SPATA6: variants seen among roughly 807,000 people sequenced by gnomAD.
The protein encoded by SPATA6 is spermatogenesis-associated protein 6.
Under a neutral mutation model 65.3 loss-of-function variants are expected in SPATA6, and 56 were observed. The observed-to-expected ratio is 0.86, with a 90% CI of 0.69 to 1.07. The LOEUF (loss-of-function observed/expected upper bound fraction) is 1.07, where lower values mean the gene tolerates loss of function less well. Among genes scored for constraint, SPATA6 ranks in the 50% least tolerant of loss-of-function variants. SPATA6 has a pLI of 0.00. For synonymous variants in SPATA6, 199 were observed against 213.2 expected (o/e 0.93, Z 0.58); for missense variants, 590 against 594.8 (o/e 0.99, Z 0.08).
intron 9 of SPATA6, among the ~76,000 whole-genome samples, chr1:48,381,298 C>A (rs1017093654): frequency 2.0e-5 from 3 of 152,052 alleles, no homozygotes; most frequent in African/African-American, 7.2e-5. Flanking sequence ...AGTTATGAAT[C>A]CTTAGATAGA....
At chr1:48,269,554 T>C in the SPATA6 span, among the ~76,000 whole-genome samples, 1 of 152,074 alleles carries the variant, frequency 6.6e-6, no homozygotes, top group East Asian at 1.9e-4. Flanking sequence ...GCCTAATATA[T>C]GACAAAGAAT....
At chr1:48,342,003 T>C (rs931524377) in intron 11 of SPATA6, among the ~76,000 whole-genome samples, 1 of 152,238 alleles carries the variant, frequency 6.6e-6, no homozygotes, top group African/African-American at 2.4e-5. Context: ...ATGGTAGCAC[T>C]ATTAGTATTA....
intron 10 of SPATA6, 69 bp from the exon 11 acceptor site, chr1:48,355,838 G>A: frequency 1.6e-6 from 2 of 1,217,126 alleles, no homozygotes; most frequent in South Asian, 2.6e-5. Flanking sequence ...ATACTATCAA[G>A]TTTTCACAGT....
intron 11 of SPATA6, among the ~76,000 whole-genome samples, chr1:48,332,613 C>A (rs1421085346): frequency 6.6e-6 from 1 of 152,126 alleles, no homozygotes; most frequent in South Asian, 2.1e-4. Context: ...CTTAGACTCC[C>A]ACAGAATAAT....
chr1:48,324,520 G>A (rs1485147598), intron 11 of SPATA6, among the ~76,000 whole-genome samples: 3 of 152,074 alleles, frequency 2.0e-5, no homozygotes, highest in Admixed American at 2.0e-4. Flanking sequence ...TTATTTCAGG[G>A]ATGCAAGGAT....
intron 12 of SPATA6, among the ~76,000 whole-genome samples, chr1:48,301,915 G>A (rs79973312): frequency 0.012 from 1,859 of 152,194 alleles, 45 homozygotes; most frequent in African/African-American, 0.043. Flanking sequence ...GACCTGAAAG[G>A]ATGAAACTAT....
intron 11 of SPATA6, among the ~76,000 whole-genome samples, chr1:48,321,865 C>T (rs1210595268): frequency 6.6e-6 from 1 of 152,032 alleles, no homozygotes; most frequent in Non-Finnish European, 1.5e-5. Context: ...AAATTTTGGA[C>T]ACTACACCAA....
intron 11 of SPATA6, among the ~76,000 whole-genome samples, chr1:48,347,465 A>AAT (rs201035240): frequency 0.028 from 3,512 of 127,618 alleles, 91 homozygotes; most frequent in African/African-American, 0.08. Flanking sequence ...ATGTATATAT[A>AAT]ATATAATATA....
the SPATA6 span, among the ~76,000 whole-genome samples, chr1:48,282,190 G>A: frequency 6.6e-6 from 1 of 151,952 alleles, no homozygotes; most frequent in Admixed American, 6.6e-5. Context: ...AATTCAAGAT[G>A]GATTAAAGAC....
chr1:48,348,347 C>A (rs1229307895), intron 11 of SPATA6, among the ~76,000 whole-genome samples: 1 of 151,984 alleles, frequency 6.6e-6, no homozygotes, highest in Non-Finnish European at 1.5e-5. Context: ...TTCATTGTTT[C>A]ATTTACATCA....
Position 48,385,313 on chromosome 1 carries a change from T to C in SPATA6, c.905A>G (p.Tyr302Cys). Residue 302 changes from tyrosine (Y) to cysteine (C), a missense_variant, in exon 9 of 13, where the codon TAT becomes TGT. Coordinates refer to ENST00000371847, the MANE Select transcript of SPATA6 (RefSeq NM_019073.4). ...TCTACAATTCATTCTACACACCTTATAATCCTTGGGTCGGCAGCAGCCAAG... is the reference window on the plus strand; with the variant it reads ...TCTACAATTCATTCTACACACCTTACAATCCTTGGGTCGGCAGCAGCCAAG... ...SHLGCCRPKD[Y>C]KVIRTPHGRD... The C allele has an allele frequency of 6.2e-7, 1 of 1,607,680 alleles. No homozygotes were observed. The highest frequency in any genetic ancestry group is 8.5e-7 in the Non-Finnish European group (1 of 1,177,864).
At chr1:48,282,785 A>G in the SPATA6 span, among the ~76,000 whole-genome samples, 2 of 152,130 alleles carry the variant, frequency 1.3e-5, no homozygotes, top group Non-Finnish European at 2.9e-5. Flanking sequence ...CGATTCCTCA[A>G]GGATCTAGAA....
chr1:48,366,010 T>C (rs970545057), intron 9 of SPATA6, among the ~76,000 whole-genome samples: 1 of 152,256 alleles, frequency 6.6e-6, no homozygotes, highest in African/African-American at 2.4e-5. Context: ...TGAAGCGTTG[T>C]TGAATTTTAT....
intron 3 of SPATA6, among the ~76,000 whole-genome samples, chr1:48,444,357 A>G (rs1355645921): frequency 6.6e-6 from 1 of 151,666 alleles, no homozygotes; most frequent in African/African-American, 2.4e-5. Flanking sequence ...GGTCCAGCTG[A>G]AGGACTGTAA....
At chr1:48,414,146 T>C (rs1370775759) in intron 3 of SPATA6, among the ~76,000 whole-genome samples, 2 of 152,198 alleles carry the variant, frequency 1.3e-5, no homozygotes, top group Non-Finnish European at 2.9e-5. Flanking sequence ...GGAAGCTCAG[T>C]GCGGACAAGT....
intron 3 of SPATA6, among the ~76,000 whole-genome samples, chr1:48,425,597 T>C (rs570212906): frequency 1.3e-5 from 2 of 152,122 alleles, no homozygotes; most frequent in South Asian, 4.1e-4. Context: ...ATAATATTTA[T>C]GCAAGGATGG....
chr1:48,462,824 A>G (rs1657548809), intron 1 of SPATA6, among the ~76,000 whole-genome samples: 1 of 152,172 alleles, frequency 6.6e-6, no homozygotes, highest in Non-Finnish European at 1.5e-5. Flanking sequence ...TAGCTGGTAA[A>G]CATTATTTCT....
chr1:48,266,432 G>T, the SPATA6 span, among the ~76,000 whole-genome samples: 2 of 152,096 alleles, frequency 1.3e-5, no homozygotes, highest in Admixed American at 6.5e-5. Flanking sequence ...TTTCTTGTTT[G>T]TAAAAAATGT....
the SPATA6 span, among the ~76,000 whole-genome samples, chr1:48,269,341 T>C: frequency 1.3e-5 from 2 of 152,126 alleles, no homozygotes; most frequent in South Asian, 4.1e-4. Context: ...ACAACAACTC[T>C]ATGAAAATAT....
Sources: allele counts gnomAD v4.1 joint callset (sites outside exome capture counted in the v4.1 genomes callset), GRCh38; gene constraint gnomAD v4.1.1; transcripts MANE v1.5; gene names NCBI Gene and HGNC (gene_info 2026-07-23, HGNC 2026-07-21).